The following HACL2 variants were observed in gnomAD, a reference collection of about 807,000 sequenced individuals.
HACL2 encodes 2-hydroxyacyl-CoA lyase 2, also known as 2-hydroxyacyl-CoA lyase 1 like.
the HACL2 span, chr19:15,116,331 G>T: frequency 6.2e-7 from 1 of 1,613,956 alleles, no homozygotes; most frequent in Non-Finnish European, 8.5e-7. Flanking sequence ...CCTGCGACAG[G>T]ACAGCGAAGG....
At chr19:15,117,456 T>C in the HACL2 span, 1 of 160,374 alleles carries the variant, frequency 6.2e-6, no homozygotes, top group Admixed American at 6.0e-5. Flanking sequence ...GGAGGATCAC[T>C]TGAGGCCAGG....
chr19:15,119,249 C>A, the HACL2 span: 1 of 1,610,138 alleles, frequency 6.2e-7, no homozygotes, highest in Non-Finnish European at 8.5e-7. Flanking sequence ...GCCTAACAGC[C>A]CCCGTGCCAT....
the HACL2 span, among the ~76,000 whole-genome samples, chr19:15,122,283 G>C: frequency 2.6e-5 from 4 of 151,996 alleles, no homozygotes; most frequent in African/African-American, 9.7e-5. The surrounding 1 kb of genome is among the most constrained non-coding windows in gnomAD (Gnocchi z 4.0). Context: ...GTAAATGTAA[G>C]AATGAACCTC....
the HACL2 span, chr19:15,115,617 C>T: frequency 5.6e-6 from 9 of 1,613,852 alleles, no homozygotes; most frequent in African/African-American, 1.3e-5. Flanking sequence ...GGCACCTGCT[C>T]CCGAGAAATC....
the HACL2 span, chr19:15,119,058 C>G: frequency 1.4e-5 from 18 of 1,255,204 alleles, no homozygotes; most frequent in Non-Finnish European, 2.0e-5. Flanking sequence ...AAATGTGTAT[C>G]AAGTACAATA....
the HACL2 span, chr19:15,124,963 C>T: frequency 1.2e-6 from 2 of 1,607,466 alleles, no homozygotes; most frequent in South Asian, 2.2e-5. Flanking sequence ...AGGCGGTGAG[C>T]GGCGCCCAGC....
chr19:15,117,951 G>T, the HACL2 span: 4 of 1,614,052 alleles, frequency 2.5e-6, no homozygotes, highest in African/African-American at 5.3e-5. Context: ...TACGATTGAC[G>T]ATGATGATCT....
At chr19:15,116,121 C>T in the HACL2 span, 1 of 1,613,102 alleles carries the variant, frequency 6.2e-7, no homozygotes, top group South Asian at 1.1e-5. Context: ...ATGGATGGTG[C>T]CCACTGCCCC....
chr19:15,123,256 G>T, the HACL2 span: 1 of 1,612,942 alleles, frequency 6.2e-7, no homozygotes, highest in African/African-American at 1.3e-5. This position sits in a 1 kb window ranked among gnomAD's most constrained non-coding sequence, Gnocchi z 5.1. Flanking sequence ...GGAACACAGA[G>T]CCCATCACAG....
At chr19:15,118,311 G>C in the HACL2 span, among the ~76,000 whole-genome samples, 7 of 152,268 alleles carry the variant, frequency 4.6e-5, no homozygotes, top group Admixed American at 3.9e-4. Flanking sequence ...CATGGAGAGA[G>C]GTGCAGCCTA....
the HACL2 span, chr19:15,115,259 G>A: frequency 1.2e-6 from 2 of 1,614,112 alleles, no homozygotes; most frequent in Non-Finnish European, 1.7e-6. Flanking sequence ...GCCCTATACA[G>A]CAATGGAGCC....
the HACL2 span, chr19:15,116,847 C>A: frequency 7.5e-5 from 25 of 333,216 alleles, no homozygotes; most frequent in African/African-American, 4.9e-4. Context: ...CTACATCCAC[C>A]AAGCACATCT....
chr19:15,122,907 G>A, the HACL2 span: 4 of 1,609,952 alleles, frequency 2.5e-6, no homozygotes, highest in East Asian at 2.2e-5. This position sits in a 1 kb window ranked among gnomAD's most constrained non-coding sequence, Gnocchi z 4.0. Flanking sequence ...GTGCCCGACT[G>A]GGCGGCAGCC....
At chr19:15,119,596 G>A in the HACL2 span, 1 of 1,232,506 alleles carries the variant, frequency 8.1e-7, no homozygotes, top group Non-Finnish European at 1.1e-6. Flanking sequence ...TGTTGCCCAG[G>A]ATAGAGTGTA....
At chr19:15,115,627 C>CT in the HACL2 span, 1 of 1,614,032 alleles carries the variant, frequency 6.2e-7, no homozygotes, top group South Asian at 1.1e-5. Flanking sequence ...CCCGAGAAAT[C>CT]TGTGTCCAGC....
chr19:15,123,218 T>A, the HACL2 span: 2 of 1,613,732 alleles, frequency 1.2e-6, no homozygotes, highest in African/African-American at 2.7e-5. The surrounding 1 kb of genome is among the most constrained non-coding windows in gnomAD (Gnocchi z 5.1). Flanking sequence ...CAGGGCCTGC[T>A]GTCACTGCCG....
At chr19:15,123,416 A>G in the HACL2 span, 1 of 1,613,986 alleles carries the variant, frequency 6.2e-7, no homozygotes, top group Non-Finnish European at 8.5e-7. This position sits in a 1 kb window ranked among gnomAD's most constrained non-coding sequence, Gnocchi z 5.1. Context: ...GACGGCCGTG[A>G]CCTCATGGCG....
chr19:15,120,696 G>C, the HACL2 span, among the ~76,000 whole-genome samples: 2 of 152,312 alleles, frequency 1.3e-5, no homozygotes, highest in South Asian at 2.1e-4. Flanking sequence ...CAGACACATG[G>C]GCATTGGCAG....
the HACL2 span, chr19:15,116,331 G>C: frequency 4.3e-6 from 7 of 1,613,956 alleles, no homozygotes; most frequent in Middle Eastern, 1.6e-4. Context: ...CCTGCGACAG[G>C]ACAGCGAAGG....
Sources: gnomAD v4.1 joint callset for allele counts (sites outside exome capture counted in the v4.1 genomes callset) on GRCh38, gnomAD v4.1.1 for gene constraint, Gnocchi (gnomAD v3.1) non-coding constraint, MANE v1.5 for transcripts, NCBI Gene and HGNC (gene_info 2026-07-23, HGNC 2026-07-21) for gene names.